The following YARS1 variants were observed in gnomAD, a reference collection of about 807,000 sequenced individuals.
YARS1 encodes the protein tyrosyl-tRNA synthetase 1, also known as tyrosine--tRNA ligase, cytoplasmic.
YARS1 carries 36 observed loss-of-function variants against 62.2 expected under a neutral mutation model. That is an observed-to-expected ratio of 0.58 (90% CI 0.44 to 0.76). The LOEUF (loss-of-function observed/expected upper bound fraction) is 0.76. YARS1 is among the 30% of genes least tolerant of loss of function. The pLI is 0.00. For missense variants in YARS1, 524 were observed against 639.8 expected, an observed-to-expected ratio of 0.82 and a Z score of 1.95; for synonymous variants, 234 against 244.9, an observed-to-expected ratio of 0.96 and a Z score of 0.42.
At chr1:32,782,316 T>C (rs1158773417) in intron 9 of YARS1, 88 bp downstream of exon 9, 24 of 1,608,562 alleles carry the variant, frequency 1.5e-5, no homozygotes, top group Non-Finnish European at 2.0e-5. Context: ...TGGGTTGTTG[T>C]GCCCTCAATT....
Position 32,810,917 on chromosome 1 carries a change from C to A in YARS1, c.198G>T (p.Gly66=). 17 of 1,614,122 alleles carry A rather than the reference C, an allele frequency of 1.1e-5. No homozygotes were observed. The highest frequency in any genetic ancestry group is 1.4e-5 in the Non-Finnish European group (17 of 1,180,026). ...TTATAGCATTAGTTCTTACCTCACA[C>A]CCTGCCTTTAAGAAGTCTGCAATCT... The part of the protein sequence containing the change: ...MSKIADFLKA[G]CEVTILFADL... The change falls in exon 2 of 13, where the codon GGG becomes GGT. Residue 66 remains glycine, a synonymous_variant. Coordinates refer to ENST00000373477, the MANE Select transcript of YARS1 (RefSeq NM_003680.4).
At chr1:32,781,527 T>G in intron 9 of YARS1, 1 of 205,064 alleles carries the variant, frequency 4.9e-6, no homozygotes, top group Non-Finnish European at 9.9e-6. Flanking sequence ...AAGACCAGGC[T>G]GGGCAACAGA....
chr1:32,804,058 T>C (rs1262886033), intron 4 of YARS1, among the ~76,000 whole-genome samples: 1 of 152,080 alleles, frequency 6.6e-6, no homozygotes, highest in African/African-American at 2.4e-5. Flanking sequence ...GGGTTGGGGG[T>C]AAGGTTATAG....
chr1:32,797,397 G>C (rs1164504100), intron 5 of YARS1, among the ~76,000 whole-genome samples: 7 of 152,004 alleles, frequency 4.6e-5, no homozygotes, highest in Non-Finnish European at 8.8e-5. Context: ...AAAAGAAAAA[G>C]ATGCTGGGAA....
chr1:32,777,432 G>A (rs1308627582), intron 12 of YARS1, among the ~76,000 whole-genome samples: 1 of 152,108 alleles, frequency 6.6e-6, no homozygotes, highest in Admixed American at 6.5e-5. Flanking sequence ...CCAACATGGT[G>A]AAACCCCATC....
chr1:32,805,689 C>T (rs114918424), intron 4 of YARS1, among the ~76,000 whole-genome samples: 5 of 152,084 alleles, frequency 3.3e-5, no homozygotes, highest in Admixed American at 2.6e-4. Context: ...CGGCCGGGCA[C>T]GGTAGCTCAC....
chr1:32,787,041 T>A lies in YARS1; in HGVS notation c.719A>T (p.Asp240Val). ...GGCCTTCTTCAGTTTTTTCTTCACATCCTCCTTCCGATCAAGGAGATCAAT... is the reference window on the plus strand; with the variant it reads ...GGCCTTCTTCAGTTTTTTCTTCACAACCTCCTTCCGATCAAGGAGATCAAT... ...SKIDLLDRKE[D>V]VKKKLKKAFC... Residue 240 changes from aspartate to valine, a missense_variant, in exon 7 of 13, where the codon GAT becomes GTT. Coordinates refer to ENST00000373477, the MANE Select transcript of YARS1 (RefSeq NM_003680.4). The A allele has an allele frequency of 6.2e-7, 1 of 1,614,158 alleles. No individual in the cohort carries two copies.
rs745530646 is a variant in YARS1, at chr1:32,810,955, CA to C, written c.159del (p.Phe53LeufsTer11). 6 of 1,614,044 alleles carry C rather than the reference CA, an allele frequency of 3.7e-6. No homozygotes were observed. The highest frequency in any genetic ancestry group is 5.1e-6 in the Non-Finnish European group (6 of 1,180,038). Reference protein sequence around the residue: ...ATTGKPHVAYFVPMSKIADFL... With the variant: ...ATTGKPHVAYXVPMSKIADFL... ...AAGTCTGCAATCTTTGACATGGGCA[CA>C]AAGTAAGCCACATGTGGTTTGCCCG... On this transcript the variant is annotated frameshift_variant, in exon 2 of 13. Coordinates refer to ENST00000373477, the MANE Select transcript of YARS1 (RefSeq NM_003680.4). LOFTEE classifies it high-confidence loss of function.
At chr1:32,784,635 CAGTT>C (rs1439465448) in intron 8 of YARS1, among the ~76,000 whole-genome samples, 5 of 152,052 alleles carry the variant, frequency 3.3e-5, no homozygotes, top group African/African-American at 1.2e-4. Context: ...TTTCTAGAGT[CAGTT>C]AATCATTTCC....
intron 3 of YARS1, 99 bp downstream of exon 3, chr1:32,810,492 C>T: frequency 6.7e-7 from 1 of 1,499,366 alleles, no homozygotes; most frequent in Non-Finnish European, 9.3e-7. Flanking sequence ...TCACGCCAGA[C>T]AGCTTCTAAT....
rs747647475 is a variant in YARS1 at position 32,779,527 on chromosome 1, G to C, written c.1335-4C>G. ...AACCTGGCGGTTTATCCCTTCTCTG[G>C]GAAGACACAGGACAAGAGAAGAGTG... On this transcript the variant is annotated splice_polypyrimidine_tract_variant and splice_region_variant and intron_variant, in intron 11 of 12. Coordinates refer to ENST00000373477, the MANE Select transcript of YARS1 (RefSeq NM_003680.4). 1 of 1,614,150 alleles carries C rather than the reference G, an allele frequency of 6.2e-7. No homozygotes were observed. Among genetic ancestry groups the C allele is most frequent in the South Asian group, 1.1e-5 (1 of 91,080 alleles).
chr1:32,817,134 C>T (rs1017116740), intron 1 of YARS1, 54 bp downstream of exon 1: 3 of 1,609,330 alleles, frequency 1.9e-6, no homozygotes, highest in African/African-American at 2.7e-5. Context: ...CTCAAAATCA[C>T]TGAACCTCGG....
chr1:32,795,594 CAA>C (rs1476385399), intron 5 of YARS1, among the ~76,000 whole-genome samples: 1 of 151,808 alleles, frequency 6.6e-6, no homozygotes, highest in African/African-American at 2.4e-5. Context: ...ATCATGAGGT[CAA>C]GAGATCAAGA....
chr1:32,815,861 GC>G (rs1557470620), intron 1 of YARS1, among the ~76,000 whole-genome samples: 12 of 152,162 alleles, frequency 7.9e-5, no homozygotes, highest in African/African-American at 1.4e-4. Flanking sequence ...TGTAATCCCA[GC>G]ACTCTGGGAG....
Position 32,815,821 on chromosome 1 carries a change from T to C in YARS1, c.57+1367A>G, listed in dbSNP as rs527938708. 2.4e-4 allele frequency among the ~76,000 whole-genome samples: 36 copies of C among 152,208 alleles called. No homozygotes were observed. The East Asian group carries it at 6.0e-3, about 25-fold the overall frequency. ...GTGCAAGTTTTATTAGATAGTGTGA[T>C]GGTTGTGGCCGGGAGCCGTGGCTCA... On this transcript the variant is annotated intron_variant, in intron 1 of 12. Transcript: ENST00000373477.
chr1:32,782,745 C>T (rs1653101241), intron 8 of YARS1: 2 of 644,742 alleles, frequency 3.1e-6, no homozygotes. Flanking sequence ...GAAATCTATA[C>T]TAACTTGAGG....
At chr1:32,785,511 A>T (rs961676209) in intron 8 of YARS1, among the ~76,000 whole-genome samples, 1 of 151,984 alleles carries the variant, frequency 6.6e-6, no homozygotes, top group Admixed American at 6.6e-5. Context: ...TATAACTACA[A>T]ACCTAGCGGG....
chr1:32,813,936 G>C (rs1429937343), intron 1 of YARS1, among the ~76,000 whole-genome samples: 1 of 152,016 alleles, frequency 6.6e-6, no homozygotes, highest in Non-Finnish European at 1.5e-5. Context: ...CTTTGCAACT[G>C]TTCTTATTTT....
intron 5 of YARS1, among the ~76,000 whole-genome samples, chr1:32,795,917 G>T (rs1454033490): frequency 6.6e-6 from 1 of 151,694 alleles, no homozygotes; most frequent in Non-Finnish European, 1.5e-5. Context: ...CTTAGCTCAT[G>T]AGTCATACAA....
Sources: gnomAD v4.1 joint callset for allele counts (sites outside exome capture counted in the v4.1 genomes callset) on GRCh38, gnomAD v4.1.1 for gene constraint, MANE v1.5 for transcripts, NCBI Gene and HGNC (gene_info 2026-07-23, HGNC 2026-07-21) for gene names.